The following IRAG1 variants were observed in gnomAD, a reference collection of about 807,000 sequenced individuals.
The protein encoded by IRAG1 is IP3R-associated cGMP kinase substrate.
Under a neutral mutation model 106.2 loss-of-function variants are expected in IRAG1, and 62 were observed. That is an observed-to-expected ratio of 0.58 (90% CI 0.48 to 0.72). The LOEUF (loss-of-function observed/expected upper bound fraction) is 0.72, where lower values mean the gene tolerates loss of function less well. Among genes scored for constraint, IRAG1 ranks in the 30% least tolerant of loss-of-function variants. The pLI is 0.00. For missense variants in IRAG1, 1,064 were observed against 1,140.7 expected (o/e 0.93, Z 0.97); for synonymous variants, 462 against 443.9 (o/e 1.04, Z -0.51).
At position 10,665,438 on chromosome 11, in the gene IRAG1, T is replaced by G. The variant is rs1399756598; in HGVS notation, c.68-13256A>C. Among the ~76,000 whole-genome samples the G allele has an allele frequency of 6.6e-6, 1 of 152,218 alleles. No individual in the cohort carries two copies. Among genetic ancestry groups the G allele is most frequent in the Non-Finnish European group, 1.5e-5 (1 of 68,036 alleles). On this transcript the variant is annotated intron_variant, in intron 1 of 20. Coordinates refer to ENST00000423302, the MANE Select transcript of IRAG1 (RefSeq NM_130385.4). This position sits in a 1 kb window ranked among gnomAD's most constrained non-coding sequence, Gnocchi z 4.2. ...TTTGACCAACCTCCATGTTCCTGCC[T>G]AGACGATAGACTGGTACACACCAAG...
In IRAG1 at chr11:10,575,507, A is replaced by G. The variant is rs1850769238; in HGVS notation, c.*825T>C. On this transcript the variant is annotated 3_prime_UTR_variant, in exon 21 of 21. Coordinates refer to ENST00000423302, the MANE Select transcript of IRAG1 (RefSeq NM_130385.4). Reference sequence around the variant, plus strand: ...TAAAACATCTTCAATCCATGTGGACAGCTCATTGAACAGGTGCCTGGTGAC... The same window carrying G: ...TAAAACATCTTCAATCCATGTGGACGGCTCATTGAACAGGTGCCTGGTGAC... The G allele has an allele frequency of 6.6e-6, 1 of 152,228 alleles. No homozygotes were observed. The highest frequency in any genetic ancestry group is 1.5e-5 in the Non-Finnish European group (1 of 68,038). The allele number at this position is 152,228 out of a possible 1,614,324, so 9.4% of individuals were successfully genotyped here. A position where few individuals can be genotyped will look rare whatever the true frequency, so the allele number is the denominator to read the frequency against.
chr11:10,674,229 G>T (rs1337830908), intron 1 of IRAG1, among the ~76,000 whole-genome samples: 1 of 152,152 alleles, frequency 6.6e-6, no homozygotes, highest in Non-Finnish European at 1.5e-5. Flanking sequence ...AATTCAAGAT[G>T]CTCCAGAAGT....
intron 16 of IRAG1, 30 bp from the exon 17 acceptor site, chr11:10,593,629 G>C (rs371992142): frequency 2.0e-6 from 3 of 1,527,802 alleles, no homozygotes; most frequent in Admixed American, 3.4e-5. Context: ...CAGGCTCACT[G>C]TCTTGGAGGT....
At chr11:10,616,976 T>G (rs975329757) in intron 10 of IRAG1, 2 of 963,986 alleles carry the variant, frequency 2.1e-6, no homozygotes, top group African/African-American at 3.5e-5. Flanking sequence ...CTCTGAAAGA[T>G]GCTCTGAGTC....
intron 14 of IRAG1, among the ~76,000 whole-genome samples, chr11:10,601,269 A>G (rs571126986): frequency 1.4e-4 from 22 of 152,302 alleles, no homozygotes; most frequent in Non-Finnish European, 2.4e-4. Flanking sequence ...CAGCCACCAC[A>G]CTGCAGGAGA....
intron 10 of IRAG1, among the ~76,000 whole-genome samples, chr11:10,623,164 C>T (rs534816795): frequency 1.3e-5 from 2 of 152,172 alleles, no homozygotes; most frequent in East Asian, 1.9e-4. Flanking sequence ...AGAATGGGGC[C>T]GAGGAAGGGT....
chr11:10,627,440 G>A (rs1216129738), intron 8 of IRAG1, among the ~76,000 whole-genome samples: 1 of 152,148 alleles, frequency 6.6e-6, no homozygotes, highest in Non-Finnish European at 1.5e-5. Context: ...TGGCCTGGAG[G>A]TCCCCCTTGT....
In IRAG1 at chr11:10,606,751, CT is replaced by C; in HGVS notation, c.1592del (p.Lys531ArgfsTer34). On this transcript the variant is annotated frameshift_variant, in exon 12 of 21. Coordinates refer to ENST00000423302, the MANE Select transcript of IRAG1 (RefSeq NM_130385.4). LOFTEE classifies it high-confidence loss of function. ...CACTTGAGTCACTTACCTCAACTTC[CT>C]TTTCAGTGAGTGGAGGGGCACTGTG... is the stretch of plus-strand genomic sequence containing the variant. ...LPGSAPPLTEKEVENVFVQLS... is the reference protein window; with the variant it reads ...LPGSAPPLTEXEVENVFVQLS... 6.3e-7 allele frequency: 1 copy of C among 1,595,312 alleles called. No homozygotes were observed.
At chr11:10,635,790 G>A (rs752384071) in intron 2 of IRAG1, among the ~76,000 whole-genome samples, 2 of 152,204 alleles carry the variant, frequency 1.3e-5, no homozygotes, top group Non-Finnish European at 2.9e-5. Context: ...GTCTCTGGGT[G>A]AGAGTCCAGC....
At chr11:10,676,964 C>T (rs1860731484) in intron 1 of IRAG1, among the ~76,000 whole-genome samples, 1 of 152,194 alleles carries the variant, frequency 6.6e-6, no homozygotes. Flanking sequence ...GTTCTTCAGT[C>T]TTTTACTGCA....
At chr11:10,600,510 T>C (rs1290934061) in intron 15 of IRAG1, among the ~76,000 whole-genome samples, 1 of 152,258 alleles carries the variant, frequency 6.6e-6, no homozygotes, top group African/African-American at 2.4e-5. Flanking sequence ...ATTAAAATCA[T>C]TGGCTGGATC....
intron 1 of IRAG1, among the ~76,000 whole-genome samples, chr11:10,681,954 A>C (rs1861293938): frequency 6.6e-6 from 1 of 152,100 alleles, no homozygotes; most frequent in Non-Finnish European, 1.5e-5. Flanking sequence ...CCCGGCCTGA[A>C]AAACTCCAAG....
At position 10,628,404 on chromosome 11, in the gene IRAG1, G is replaced by C. The variant is rs1027347621; in HGVS notation, c.652+347C>G. Among the ~76,000 whole-genome samples, 1 of 152,164 alleles carries C rather than the reference G, an allele frequency of 6.6e-6. No individual in the cohort carries two copies. The highest frequency in any genetic ancestry group is 2.4e-5 in the African/African-American group (1 of 41,432). Reference sequence around the variant, plus strand: ...CTGGGTACAGCCTAATGAAAGGGAAGAAGTCAGACCCCAAAGAGGCCTTTC... The same window carrying C: ...CTGGGTACAGCCTAATGAAAGGGAACAAGTCAGACCCCAAAGAGGCCTTTC... On this transcript the variant is annotated intron_variant, in intron 6 of 20. Coordinates refer to ENST00000423302, the MANE Select transcript of IRAG1 (RefSeq NM_130385.4). This position sits in a 1 kb window ranked among gnomAD's most constrained non-coding sequence, Gnocchi z 4.1.
At chr11:10,673,054 G>A (rs181375024) in intron 1 of IRAG1, among the ~76,000 whole-genome samples, 4 of 152,236 alleles carry the variant, frequency 2.6e-5, no homozygotes, top group African/African-American at 9.6e-5. Flanking sequence ...AGGCTGAGAC[G>A]GGCGAATCAC....
chr11:10,597,523 A>C (rs2134266304), intron 15 of IRAG1, among the ~76,000 whole-genome samples: 1 of 152,124 alleles, frequency 6.6e-6, no homozygotes, highest in South Asian at 2.1e-4. Flanking sequence ...TTGTGGAGAT[A>C]GGGTCTCACT....
At chr11:10,625,899 C>T (rs1390331117) in intron 9 of IRAG1, 67 bp downstream of exon 9, 1 of 1,347,228 alleles carries the variant, frequency 7.4e-7, no homozygotes, top group Non-Finnish European at 9.6e-7. Flanking sequence ...CAGACTCAGC[C>T]CTGAGGTCTT....
At chr11:10,690,822 A>C (rs764622650) in intron 1 of IRAG1, among the ~76,000 whole-genome samples, 1 of 152,214 alleles carries the variant, frequency 6.6e-6, no homozygotes, top group Non-Finnish European at 1.5e-5. Flanking sequence ...GGCACAAAGT[A>C]GAAGCTCAAT....
intron 1 of IRAG1, among the ~76,000 whole-genome samples, chr11:10,655,872 A>C (rs1858881913): frequency 6.6e-6 from 1 of 152,152 alleles, no homozygotes; most frequent in African/African-American, 2.4e-5. Flanking sequence ...CACAACATAA[A>C]AGTAGAGTGG....
At chr11:10,621,583 C>G (rs182309372) in intron 10 of IRAG1, among the ~76,000 whole-genome samples, 3 of 152,148 alleles carry the variant, frequency 2.0e-5, no homozygotes, top group Admixed American at 6.5e-5. Flanking sequence ...TGTTGTGCAG[C>G]TTAAAAAAAG....
Sources: allele counts gnomAD v4.1 joint callset (sites outside exome capture counted in the v4.1 genomes callset), GRCh38; gene constraint gnomAD v4.1.1; non-coding constraint Gnocchi (gnomAD v3.1); transcripts MANE v1.5; gene names NCBI Gene and HGNC (gene_info 2026-07-23, HGNC 2026-07-21).